Variants in INSL6 observed in about 807,000 individuals in gnomAD.
INSL6 encodes insulin like 6.
Under a neutral mutation model 9.4 loss-of-function variants are expected in INSL6, and 16 were observed. The observed-to-expected ratio is 1.70, with a 90% CI of 1.15 to 2.59. INSL6 has a LOEUF of 2.59. Ranked by LOEUF, INSL6 falls within the 30% of genes most tolerant of loss-of-function variation. The pLI, the probability that INSL6 is intolerant of heterozygous loss-of-function variation, is 0.00. For synonymous variants in INSL6, 154 were observed against 96.9 expected, an observed-to-expected ratio of 1.59 and a Z score of -3.46; for missense variants, 391 against 257.3, an observed-to-expected ratio of 1.52 and a Z score of -3.56.
the INSL6 span, among the ~76,000 whole-genome samples, chr9:4,998,982 C>G: frequency 6.6e-6 from 1 of 150,738 alleles, no homozygotes; most frequent in Admixed American, 6.6e-5. Flanking sequence ...CCACCACGCC[C>G]GGCTATTTTT....
At position 5,126,469 on chromosome 9, in the gene INSL6, G is replaced by A. The variant is rs374940212; in HGVS notation, c.*11-1958C>T. 3.1e-5 allele frequency: 45 copies of A among 1,460,756 alleles called. No homozygotes were observed. In the African/African-American group the frequency reaches 5.1e-4, roughly 16 times the overall value. 90.5% of individuals were successfully genotyped at this position (1,460,756 alleles called of 1,614,324 possible). ...GAGGTAACAATTTTTTTTTAATCCA[G>A]GGTAGTCATGCATTTTCTTTTACTT... On this transcript the variant is annotated intron_variant, in intron 3 of 3. Coordinates refer to the INSL6 transcript ENST00000649639.
the INSL6 span, chr9:5,108,649 T>C: frequency 7.2e-5 from 11 of 152,204 alleles, no homozygotes; most frequent in East Asian, 1.9e-4. Context: ...GGCTGCGGTA[T>C]AATACGGCTT....
the INSL6 span, among the ~76,000 whole-genome samples, chr9:5,062,165 G>A: frequency 2.6e-5 from 4 of 151,980 alleles, no homozygotes; most frequent in Non-Finnish European, 5.9e-5. Context: ...GGAAAATATA[G>A]TATTCACAGG....
chr9:5,163,845 T>G, downstream of INSL6: 1 of 1,053,618 alleles, frequency 9.5e-7, no homozygotes, highest in Non-Finnish European at 1.4e-6. Context: ...ATATGCACAA[T>G]TACAAAAAAA....
At chr9:5,174,484 G>T (rs866040354) in intron 1 of INSL6, among the ~76,000 whole-genome samples, 1 of 151,968 alleles carries the variant, frequency 6.6e-6, no homozygotes, top group Non-Finnish European at 1.5e-5. Context: ...TGGTTTCCAC[G>T]ATATCACACT....
the INSL6 span, among the ~76,000 whole-genome samples, chr9:5,052,454 C>T: frequency 6.6e-6 from 1 of 151,780 alleles, no homozygotes; most frequent in Non-Finnish European, 1.5e-5. Flanking sequence ...ATTAAACATT[C>T]ATATAAGATT....
At chr9:5,127,206 G>A (rs1222892000) in intron 3 of INSL6, 1 of 234,254 alleles carries the variant, frequency 4.3e-6, no homozygotes, top group Admixed American at 5.6e-5. Context: ...CTTGTGTGAT[G>A]TTTTACACAC....
intron 1 of INSL6, among the ~76,000 whole-genome samples, chr9:5,164,980 G>A (rs183609319): frequency 2.9e-4 from 44 of 152,302 alleles, no homozygotes; most frequent in African/African-American, 9.9e-4. Flanking sequence ...GGCCGAGGCG[G>A]GCGGATCACT....
At chr9:5,062,500 T>TAAAGAAA in the INSL6 span, among the ~76,000 whole-genome samples, 1 of 58,248 alleles carries the variant, frequency 1.7e-5, no homozygotes, top group African/African-American at 1.0e-4. Flanking sequence ...CTTCCATTTG[T>TAAAGAAA]AAAAAAAAAA....
the INSL6 span, chr9:5,055,003 A>C: frequency 1.5e-6 from 1 of 682,660 alleles, no homozygotes; most frequent in Non-Finnish European, 2.4e-6. Flanking sequence ...TAGAAGTGGA[A>C]GTTTTTAATA....
At chr9:5,126,290 C>A in intron 3 of INSL6, 1 of 1,382,178 alleles carries the variant, frequency 7.2e-7, no homozygotes, top group Non-Finnish European at 1.0e-6. Flanking sequence ...AATTTTGCTA[C>A]AAATTAAATG....
chr9:5,031,723 A>T, the INSL6 span, among the ~76,000 whole-genome samples: 1 of 152,250 alleles, frequency 6.6e-6, no homozygotes, highest in African/African-American at 2.4e-5. Context: ...ATTGTCAACT[A>T]TAAAAATTTT....
the INSL6 span, chr9:5,091,096 G>A: frequency 2.1e-6 from 1 of 467,594 alleles, no homozygotes. Flanking sequence ...TGGGAAAATG[G>A]CATATGCTTT....
chr9:5,031,062 T>C, the INSL6 span, among the ~76,000 whole-genome samples: 7 of 152,052 alleles, frequency 4.6e-5, no homozygotes, highest in Admixed American at 3.3e-4. Context: ...ATAGGAAAAT[T>C]AGAAAGTTAT....
At chr9:5,067,427 T>C in the INSL6 span, among the ~76,000 whole-genome samples, 1 of 152,210 alleles carries the variant, frequency 6.6e-6, no homozygotes, top group South Asian at 2.1e-4. Context: ...GCTTGCAAAT[T>C]TATCTTGCTT....
the INSL6 span, chr9:5,069,049 T>C: frequency 1.2e-6 from 2 of 1,600,424 alleles, no homozygotes; most frequent in Non-Finnish European, 1.7e-6. Flanking sequence ...ATATAAACAC[T>C]GTTTGATTAC....
rs778755332 is a variant in INSL6, at chr9:5,185,396, C to T, written c.207G>A (p.Ser69=). The T allele has an allele frequency of 8.7e-6, 14 of 1,614,056 alleles. No individual in the cohort carries two copies. Among genetic ancestry groups the T allele is most frequent in the East Asian group, 2.2e-5 (1 of 44,882 alleles). The change falls in exon 1 of 2, where the codon TCG becomes TCA. Residue 69 remains serine, a synonymous_variant. Transcript: ENST00000381641. Reference sequence around the variant, plus strand: ...ATGGGCTGTAGGCTTCGACCTTCTCCGAGGCCTGTGCAATCAACCGTGAGA... The same window carrying T: ...ATGGGCTGTAGGCTTCGACCTTCTCTGAGGCCTGTGCAATCAACCGTGAGA... ...TPFSRLIAQA[S]EKVEAYSPYQ...
At chr9:4,997,733 TAGG>T in the INSL6 span, among the ~76,000 whole-genome samples, 1 of 152,200 alleles carries the variant, frequency 6.6e-6, no homozygotes, top group Non-Finnish European at 1.5e-5. Context: ...AAAGATTCAT[TAGG>T]AGTGGATTTT....
intron 2 of INSL6, among the ~76,000 whole-genome samples, chr9:5,144,107 G>A (rs1419944903): frequency 6.6e-6 from 1 of 152,172 alleles, no homozygotes; most frequent in Non-Finnish European, 1.5e-5. Context: ...TTGTTAACTT[G>A]AGATCTTTCT....
Sources: allele counts gnomAD v4.1 joint callset (sites outside exome capture counted in the v4.1 genomes callset), GRCh38; gene constraint gnomAD v4.1.1; transcripts MANE v1.5; gene names NCBI Gene and HGNC (gene_info 2026-07-23, HGNC 2026-07-21).